CNTN4: variants seen among roughly 807,000 people sequenced by gnomAD.
The protein encoded by CNTN4 is contactin-4.
In CNTN4, 77 loss-of-function variants were observed where a neutral mutation model predicts 122.5. The ratio of observed to expected loss-of-function variants is 0.63; its 90% CI spans 0.52 to 0.76. The LOEUF is 0.76. Ranked by LOEUF, CNTN4 falls within the 30% of genes least tolerant of loss-of-function variation. The pLI is 0.00. For missense variants in CNTN4, 1,256 were observed against 1,259.1 expected (o/e 1.00, Z 0.04); for synonymous variants, 512 against 447.0 (o/e 1.15, Z -1.83).
intron 14 of CNTN4, among the ~76,000 whole-genome samples, chr3:3,014,918 C>T (rs1697606882): frequency 7.5e-6 from 1 of 133,986 alleles, no homozygotes; most frequent in African/African-American, 2.7e-5. Flanking sequence ...CAGCAACTCT[C>T]AATAGAAAAG....
At chr3:2,977,335 AG>A in intron 13 of CNTN4, among the ~76,000 whole-genome samples, 1 of 152,332 alleles carries the variant, frequency 6.6e-6, no homozygotes, top group Admixed American at 6.5e-5. Flanking sequence ...CAGAGTAACA[AG>A]AAAAAGATCA....
Position 2,988,435 on chromosome 3 carries a change from T to G in CNTN4, c.1449T>G (p.Phe483Leu), listed in dbSNP as rs941334709. 1.9e-6 allele frequency: 3 copies of G among 1,613,840 alleles called. No homozygotes were observed. The highest frequency in any genetic ancestry group is 2.5e-6 in the Non-Finnish European group (3 of 1,179,824). The change falls in exon 14 of 25, where the codon TTT becomes TTG. Residue 483 changes from phenylalanine (F) to leucine (L), a missense_variant. Phe to Leu is a conservative substitution (Grantham distance 22). Coordinates refer to ENST00000418658, the MANE Select transcript of CNTN4 (RefSeq NM_175607.3). Reference sequence around the variant, plus strand: ...ATACCTGTATAGCCACTAACCATTTTGGAACTGCTAGCAGTACTGGAAACT... The same window carrying G: ...ATACCTGTATAGCCACTAACCATTTGGGAACTGCTAGCAGTACTGGAAACT... ...GSYTCIATNH[F>L]GTASSTGNLV...
intron 2 of CNTN4, among the ~76,000 whole-genome samples, chr3:2,188,393 A>G (rs2037372736): frequency 6.6e-6 from 1 of 152,192 alleles, no homozygotes; most frequent in African/African-American, 2.4e-5. Flanking sequence ...GCTGAAAACA[A>G]ATGCTTCAGG....
intron 3 of CNTN4, among the ~76,000 whole-genome samples, chr3:2,396,278 G>T (rs923164642): frequency 1.3e-5 from 2 of 152,084 alleles, no homozygotes; most frequent in Non-Finnish European, 2.9e-5. Context: ...GCCCTCCTTG[G>T]CCTTCCAAAG....
chr3:3,003,181 G>T (rs571764374), intron 14 of CNTN4, among the ~76,000 whole-genome samples: 1 of 152,268 alleles, frequency 6.6e-6, no homozygotes, highest in Admixed American at 6.5e-5. Flanking sequence ...GTGCCTTCCT[G>T]GGAGACTTCT....
intron 2 of CNTN4, among the ~76,000 whole-genome samples, chr3:2,214,431 G>A (rs923530892): frequency 2.6e-5 from 4 of 152,074 alleles, no homozygotes; most frequent in Non-Finnish European, 4.4e-5. Flanking sequence ...TTAATATTGA[G>A]TTTTTATAAA....
chr3:2,464,932 A>G (rs1403644415), intron 3 of CNTN4, among the ~76,000 whole-genome samples: 1 of 152,200 alleles, frequency 6.6e-6, no homozygotes, highest in Admixed American at 6.5e-5. Flanking sequence ...GGATTCTGGA[A>G]CAGGTTGGGA....
intron 3 of CNTN4, among the ~76,000 whole-genome samples, chr3:2,523,109 C>T (rs1174968467): frequency 6.6e-6 from 1 of 151,974 alleles, no homozygotes; most frequent in Non-Finnish European, 1.5e-5. Flanking sequence ...ATGCTATCTC[C>T]AGAGTCTAGG....
intron 2 of CNTN4, among the ~76,000 whole-genome samples, chr3:2,140,585 C>T (rs1165063526): frequency 6.6e-6 from 1 of 152,142 alleles, no homozygotes; most frequent in Non-Finnish European, 1.5e-5. Flanking sequence ...TATAAGGGCG[C>T]TAACCCCATT....
At chr3:2,612,242 C>G (rs1166086218) in intron 4 of CNTN4, among the ~76,000 whole-genome samples, 1 of 151,852 alleles carries the variant, frequency 6.6e-6, no homozygotes, top group Non-Finnish European at 1.5e-5. Context: ...ATACAGCTAA[C>G]GAAACCAAAT....
intron 2 of CNTN4, among the ~76,000 whole-genome samples, chr3:2,312,739 T>A (rs569509075): frequency 2.0e-5 from 3 of 152,098 alleles, no homozygotes; most frequent in Admixed American, 2.0e-4. Flanking sequence ...TTTCCAAATG[T>A]TGGAGAAACC....
intron 3 of CNTN4, among the ~76,000 whole-genome samples, chr3:2,529,827 A>G (rs980295114): frequency 7.9e-5 from 12 of 152,160 alleles, no homozygotes; most frequent in African/African-American, 2.7e-4. Flanking sequence ...ATTGACCAAG[A>G]TGATGACATC....
chr3:2,781,951 C>G (rs2091606985), intron 6 of CNTN4, among the ~76,000 whole-genome samples: 1 of 149,514 alleles, frequency 6.7e-6, no homozygotes, highest in East Asian at 2.0e-4. Context: ...TCTCGATCTC[C>G]TGACCTCGTG....
intron 2 of CNTN4, among the ~76,000 whole-genome samples, chr3:2,124,502 C>T (rs1295549901): frequency 6.6e-6 from 1 of 151,392 alleles, no homozygotes; most frequent in Non-Finnish European, 1.5e-5. Context: ...CTGGCTCACA[C>T]CTATAATCCC....
At chr3:2,812,216 A>T (rs747528410) in intron 6 of CNTN4, among the ~76,000 whole-genome samples, 7 of 152,008 alleles carry the variant, frequency 4.6e-5, no homozygotes, top group Admixed American at 1.3e-4. Flanking sequence ...TGTACAACAA[A>T]CCCCCATGAC....
intron 6 of CNTN4, among the ~76,000 whole-genome samples, chr3:2,774,455 A>G (rs2091233637): frequency 6.6e-6 from 1 of 152,030 alleles, no homozygotes; most frequent in Non-Finnish European, 1.5e-5. Context: ...GTAACCAAAC[A>G]CTTTTCTTTC....
intron 2 of CNTN4, among the ~76,000 whole-genome samples, chr3:2,322,422 C>G (rs531313322): frequency 6.6e-6 from 1 of 152,050 alleles, no homozygotes; most frequent in Non-Finnish European, 1.5e-5. Context: ...CACTAACTGA[C>G]TGAAATAAGC....
At chr3:2,192,119 C>T (rs1207885843) in intron 2 of CNTN4, among the ~76,000 whole-genome samples, 3 of 152,010 alleles carry the variant, frequency 2.0e-5, no homozygotes, top group Middle Eastern at 3.4e-3. Context: ...TTTCTTAATC[C>T]AGTCTATCAT....
intron 2 of CNTN4, among the ~76,000 whole-genome samples, chr3:2,101,089 C>T (rs1248795936): frequency 6.6e-6 from 1 of 152,164 alleles, no homozygotes; most frequent in Non-Finnish European, 1.5e-5. Context: ...GTACCTTTTT[C>T]CATGGTCATT....
Sources: allele counts gnomAD v4.1 joint callset (sites outside exome capture counted in the v4.1 genomes callset), GRCh38; gene constraint gnomAD v4.1.1; transcripts MANE v1.5; gene names NCBI Gene and HGNC (gene_info 2026-07-23, HGNC 2026-07-21).